Variants in TTN observed in about 807,000 individuals in gnomAD.
TTN encodes the protein titin.
Under a neutral mutation model 3,223.0 loss-of-function variants are expected in TTN, and 1,525 were observed. That is an observed-to-expected ratio of 0.47 (90% CI 0.45 to 0.49). The LOEUF (loss-of-function observed/expected upper bound fraction) is 0.49, where lower values mean the gene tolerates loss of function less well. Ranked by LOEUF, TTN falls within the 20% of genes least tolerant of loss-of-function variation. The pLI is 0.00. For synonymous variants in TTN, 14,094 were observed against 15,161.0 expected, an observed-to-expected ratio of 0.93 and a Z score of 5.17; for missense variants, 40,786 against 43,424.0, an observed-to-expected ratio of 0.94 and a Z score of 5.40.
At chr2:178,670,145 G>C (rs1330051772) in intron 157 of TTN, 73 bp downstream of exon 157, 1 of 966,056 alleles carries the variant, frequency 1.0e-6, no homozygotes, top group African/African-American at 1.7e-5. Context: ...ATTGAGAAGA[G>C]AAAGGTCTCT....
At position 178,574,621 on chromosome 2, in the gene TTN, T is replaced by C; in HGVS notation, c.71511A>G (p.Ala23837=). ...PGPPGTPQVT[A]VTKDSMTISW... ...TAATTGTCATTGAATCCTTGGTAAC[T>C]GCAGTTACCTGAGGGGTACCAGGAG... The change falls in exon 326 of 363, where the codon GCA becomes GCG. Residue 23837 remains alanine, a synonymous_variant. Transcript: ENST00000589042. The C allele has an allele frequency of 1.2e-6, 2 of 1,613,194 alleles. No homozygotes were observed. The highest frequency in any genetic ancestry group is 1.7e-6 in the Non-Finnish European group (2 of 1,179,488).
chr2:178,713,695 A>T, intron 92 of TTN: 1 of 802,766 alleles, frequency 1.2e-6, no homozygotes, highest in Non-Finnish European at 1.9e-6. Context: ...ATCATTTTGG[A>T]AATTCCTCAA....
Position 178,601,130 on chromosome 2 carries a change from T to C in TTN, c.55774A>G (p.Thr18592Ala). 1 of 1,564,472 alleles carries C rather than the reference T, an allele frequency of 6.4e-7. No individual in the cohort carries two copies. Among genetic ancestry groups the C allele is most frequent in the Non-Finnish European group, 8.6e-7 (1 of 1,157,830 alleles). The change falls in exon 288 of 363, where the codon ACA (threonine) becomes GCA (alanine). Residue 18592 changes from threonine (T) to alanine (A), a missense_variant. Transcript: ENST00000589042. The part of the protein sequence containing the change: ...PPIKLKIGLI[T>A]KNTVHLSWKP... ...CATGACAGATGCACTGTGTTCTTTG[T>C]GATGAGGCCAATCTTGAGTTTAATA...
intron 47 of TTN, chr2:178,747,773 C>A: frequency 6.2e-7 from 1 of 1,611,950 alleles, no homozygotes; most frequent in Non-Finnish European, 8.5e-7. Flanking sequence ...TATCATTTCT[C>A]CTTCTAAAGT....
In TTN at chr2:178,735,894, A is replaced by C; in HGVS notation, c.14552T>G (p.Ile4851Ser). The C allele has an allele frequency of 6.2e-7, 1 of 1,613,848 alleles. No individual in the cohort carries two copies. Reference sequence around the variant, plus strand: ...AATGGTAAGGTTTGAGAGTTCTAAAATGTGTTTGTTTTCTGCGTCGGAAAT... The same window carrying C: ...AATGGTAAGGTTTGAGAGTTCTAAACTGTGTTTGTTTTCTGCGTCGGAAAT... ...WRISDAENKHILELSNLTIQD... is the reference protein window; with the variant it reads ...WRISDAENKHSLELSNLTIQD... Residue 4851 changes from isoleucine to serine, a missense_variant, in exon 50 of 363, where the codon ATT becomes AGT. Physicochemically the swap from Ile to Ser is moderately radical, Grantham distance 142 (BLOSUM62 -2). Transcript: ENST00000589042.
rs2092725386 is a variant in TTN, at chr2:178,781,108, G to A, written c.3523+13C>T. ...GTTCTTATCATGCACATAGAAACTG[G>A]AGTTGCACTTACCTTCTTCAAGCAA... is the stretch of plus-strand genomic sequence containing the variant. On this transcript the variant is annotated intron_variant, in intron 21 of 362. Transcript: ENST00000589042. 6.2e-7 allele frequency: 1 copy of A among 1,613,658 alleles called. No individual in the cohort carries two copies. The highest frequency in any genetic ancestry group is 1.3e-5 in the African/African-American group (1 of 74,904).
In TTN at chr2:178,573,674, G is replaced by A. The variant is rs767092290; in HGVS notation, c.72458C>T (p.Ala24153Val). 6.6e-7 allele frequency: 1 copy of A among 1,515,552 alleles called. No homozygotes were observed. Among genetic ancestry groups the A allele is most frequent in the Admixed American group, 2.3e-5 (1 of 44,432 alleles). The allele number at this position is 1,515,552 out of a possible 1,614,324, so 93.9% of individuals were successfully genotyped here. A position where few individuals can be genotyped will look rare whatever the true frequency, so the allele number is the denominator to read the frequency against. ...SWFPPLDDGG[A>V]KIDHYIVQKR... ...CTGTACTATGTAATGATCAATTTTG[G>A]CACCTCCATCATCCAGTGGAGGGAA... Residue 24153 changes from alanine to valine, a missense_variant, in exon 326 of 363, where the codon GCC becomes GTC. Transcript: ENST00000589042.
At chr2:178,804,770 T>A in intron 1 of TTN, 115 bp from the exon 2 acceptor site, 1 of 937,880 alleles carries the variant, frequency 1.1e-6, no homozygotes, top group Non-Finnish European at 1.7e-6. Flanking sequence ...AGGTCATCTG[T>A]GGGCCTAGAG....
At chr2:178,668,511 A>G (rs2154262629) in intron 159 of TTN, among the ~76,000 whole-genome samples, 1 of 152,074 alleles carries the variant, frequency 6.6e-6, no homozygotes, top group East Asian at 1.9e-4. Context: ...TGGGCGGGTC[A>G]CCTGAGGTCA....
In TTN at chr2:178,740,078, A is replaced by G. The variant is rs1574074373; in HGVS notation, c.13155T>C (p.Ser4385=). Residue 4385 remains serine, a synonymous_variant, in exon 48 of 363, where the codon TCT becomes TCC. Transcript: ENST00000589042. ...RDLLSKESLL[S]GIPEEQRLNL... ...TTAATCTCTGCTCTTCTGGAATACC[A>G]GAAAGCAAGCTTTCCTTAGAAAGAA... 6.2e-7 allele frequency: 1 copy of G among 1,613,828 alleles called. No homozygotes were observed. The highest frequency in any genetic ancestry group is 8.5e-7 in the Non-Finnish European group (1 of 1,179,812).
chr2:178,572,698 T>C lies in TTN; in HGVS notation c.73434A>G (p.Thr24478=). The C allele has an allele frequency of 3.7e-6, 6 of 1,613,476 alleles. No homozygotes were observed. The highest frequency in any genetic ancestry group is 5.1e-6 in the Non-Finnish European group (6 of 1,179,576). The part of the protein sequence containing the change: ...ESLDKASIES[T]SSYTLLIVGN... ...CAACAATAAGCAGGGTGTAAGAGCT[T>C]GTGGATTCGATGCTAGCTTTATCTA... is the stretch of plus-strand genomic sequence containing the variant. Residue 24478 remains threonine (T), a synonymous_variant, in exon 326 of 363, where the codon ACA becomes ACG. Coordinates refer to ENST00000589042, the MANE Select transcript of TTN (RefSeq NM_001267550.2).
At chr2:178,670,345 T>G in intron 156 of TTN, 50 bp from the exon 157 acceptor site, 1 of 1,141,848 alleles carries the variant, frequency 8.8e-7, no homozygotes, top group South Asian at 2.2e-5. Flanking sequence ...ATACAATTTT[T>G]TAACAAGCAG....
intron 6 of TTN, 175 bp downstream of exon 6, chr2:178,799,312 G>A (rs1057201520): frequency 5.3e-6 from 5 of 952,124 alleles, no homozygotes; most frequent in Admixed American, 4.6e-5. Context: ...AGAGGAACAC[G>A]GAGCCCCACA....
chr2:178,603,726 A>T, intron 282 of TTN, 150 bp downstream of exon 282: 1 of 719,720 alleles, frequency 1.4e-6, no homozygotes. Context: ...ATAAATATAT[A>T]CTTCCGATAG....
intron 47 of TTN, chr2:178,747,556 C>A: frequency 6.2e-7 from 1 of 1,613,272 alleles, no homozygotes; most frequent in Admixed American, 1.7e-5. Flanking sequence ...AGTATTCATA[C>A]ACAGTGTTGA....
In TTN at chr2:178,528,289, A is replaced by C. The variant is rs773306658; in HGVS notation, c.107362T>G (p.Ser35788Ala). 6.2e-7 allele frequency: 1 copy of C among 1,613,832 alleles called. No homozygotes were observed. The highest frequency in any genetic ancestry group is 8.5e-7 in the Non-Finnish European group (1 of 1,179,790). The change falls in exon 361 of 363, where the codon TCC becomes GCC. Residue 35788 changes from serine to alanine, a missense_variant. Physicochemically the swap from Ser to Ala is moderately conservative, Grantham distance 99. Coordinates refer to ENST00000589042, the MANE Select transcript of TTN (RefSeq NM_001267550.2). The stretch of plus-strand genomic sequence containing the variant: ...AGATACTTACGAAGGACCATTAAGG[A>C]AGCTGTAGCTGAACACTGGCCACGG... ...NFRGQCSATA[S>A]LMVLPLVEEP...
In TTN at chr2:178,702,534, G is replaced by T; in HGVS notation, c.30353C>A (p.Thr10118Lys). The change falls in exon 107 of 363, where the codon ACA (threonine) becomes AAA (lysine). Residue 10118 changes from threonine (T) to lysine (K), a missense_variant. Physicochemically the swap from Thr to Lys is moderately conservative, Grantham distance 78 (BLOSUM62 -1). Transcript: ENST00000589042. ...CCTGAAGTTGTATTTCTGGCTCTCTGTCAGTTCTGTTGGTCCTTTGTACCA... is the reference window on the plus strand; with the variant it reads ...CCTGAAGTTGTATTTCTGGCTCTCTTTCAGTTCTGTTGGTCCTTTGTACCA... Reference protein sequence around the residue: ...VTWYKGPTELTESQKYNFRND... With the variant: ...VTWYKGPTELKESQKYNFRND... The T allele has an allele frequency of 6.2e-7, 1 of 1,613,944 alleles. No individual in the cohort carries two copies. The highest frequency in any genetic ancestry group is 8.5e-7 in the Non-Finnish European group (1 of 1,179,884).
Position 178,611,526 on chromosome 2 carries a change from T to C in TTN, c.50703A>G (p.Arg16901=). The C allele has an allele frequency of 6.2e-7, 1 of 1,613,048 alleles. No individual in the cohort carries two copies. The highest frequency in any genetic ancestry group is 8.5e-7 in the Non-Finnish European group (1 of 1,179,304). ...MCPVGTEKWM[R]VNSRPIKDLK... is the part of the protein sequence containing the mutation. ...AGTCCTTTATTGGGCGAGAATTAAC[T>C]CTCATCCATTTCTCAGTGCCTACTG... The change falls in exon 269 of 363, where the codon AGA becomes AGG. Residue 16901 remains arginine, a synonymous_variant. Coordinates refer to ENST00000589042, the MANE Select transcript of TTN (RefSeq NM_001267550.2).
In TTN at chr2:178,533,220, A is replaced by G; in HGVS notation, c.103395T>C (p.Ser34465=). The change falls in exon 358 of 363, where the codon AGT becomes AGC. Residue 34465 remains serine (S), a synonymous_variant. Coordinates refer to ENST00000589042, the MANE Select transcript of TTN (RefSeq NM_001267550.2). ...RLRYKKQEFK[S]KEEHERHVQK... ...GTACGTGTCGCTCATGCTCCTCCTT[A>G]CTCTTGAATTCCTGTTTCTTGTACC... The G allele has an allele frequency of 6.2e-7, 1 of 1,613,414 alleles. No homozygotes were observed. Among genetic ancestry groups the G allele is most frequent in the Non-Finnish European group, 8.5e-7 (1 of 1,179,752 alleles).
Sources: allele counts gnomAD v4.1 joint callset (sites outside exome capture counted in the v4.1 genomes callset), GRCh38; gene constraint gnomAD v4.1.1; transcripts MANE v1.5; gene names NCBI Gene and HGNC (gene_info 2026-07-23, HGNC 2026-07-21).